The following EVA1A variants were observed in gnomAD, a reference collection of about 807,000 sequenced individuals.
EVA1A encodes the protein protein eva-1 homolog A.
In EVA1A, 7 loss-of-function variants were observed where a neutral mutation model predicts 9.8. The observed-to-expected ratio is 0.71, with a 90% confidence interval of 0.41 to 1.34. The LOEUF (loss-of-function observed/expected upper bound fraction) is 1.34, where lower values mean the gene tolerates loss of function less well. Among genes scored for constraint, EVA1A ranks in the 40% most tolerant of loss-of-function variants. The pLI is 0.01. For missense variants in EVA1A, 206 were observed against 205.9 expected, an observed-to-expected ratio of 1.00 and a Z score of 0.00; for synonymous variants, 90 against 85.6, an observed-to-expected ratio of 1.05 and a Z score of -0.28.
chr2:75,538,818 G>T (rs56136620), intron 1 of EVA1A, among the ~76,000 whole-genome samples: 1 of 152,210 alleles, frequency 6.6e-6, no homozygotes, highest in Non-Finnish European at 1.5e-5. Flanking sequence ...GAATAAATTA[G>T]TAGTTTTCAG....
In EVA1A at chr2:75,493,141, T is replaced by C; in HGVS notation, c.*95A>G. On this transcript the variant is annotated 3_prime_UTR_variant, in exon 4 of 4. Coordinates refer to ENST00000393913, the MANE Select transcript of EVA1A (RefSeq NM_001135032.2). ...CTGCTTTTTCTCTGAAATCACAATA[T>C]TAGCAGAGCTGGGTTCAGTTCCTTG... 6.8e-7 allele frequency: 1 copy of C among 1,478,564 alleles called. No individual in the cohort carries two copies. The highest frequency in any genetic ancestry group is 2.2e-5 in the Admixed American group (1 of 44,510). The allele number at this position is 1,478,564 out of a possible 1,614,324, so 91.6% of individuals were successfully genotyped here.
chr2:75,560,250 T>C (rs943686558), intron 1 of EVA1A, among the ~76,000 whole-genome samples: 17 of 151,862 alleles, frequency 1.1e-4, no homozygotes, highest in African/African-American at 4.1e-4. Context: ...ACCAGGTAAA[T>C]AGTCCACGGT....
intron 3 of EVA1A, among the ~76,000 whole-genome samples, chr2:75,496,728 G>C (rs1674224111): frequency 6.6e-6 from 1 of 152,044 alleles, no homozygotes; most frequent in Admixed American, 6.5e-5. Flanking sequence ...AATAGCCAAA[G>C]CAATCCTAAG....
At chr2:75,556,131 C>T (rs753397391) in intron 1 of EVA1A, among the ~76,000 whole-genome samples, 3 of 152,192 alleles carry the variant, frequency 2.0e-5, no homozygotes, top group East Asian at 1.9e-4. Flanking sequence ...ACGTATTGCA[C>T]GTGTATTCCA....
At chr2:75,527,658 A>T (rs1223542521) in intron 1 of EVA1A, among the ~76,000 whole-genome samples, 1 of 152,272 alleles carries the variant, frequency 6.6e-6, no homozygotes, top group Non-Finnish European at 1.5e-5. Flanking sequence ...GCAATTATGC[A>T]CATGCTTAAA....
In EVA1A at chr2:75,545,556, C is replaced by T. The variant is rs76460472; in HGVS notation, c.-192+15124G>A. Among the ~76,000 whole-genome samples the T allele has an allele frequency of 5.5e-3, 844 of 152,144 alleles. 8 individuals carry two copies. Among genetic ancestry groups the T allele is most frequent in the African/African-American group, 0.019 (788 of 41,506 alleles). On this transcript the variant is annotated intron_variant, in intron 1 of 3. Transcript: ENST00000393913. The stretch of plus-strand genomic sequence containing the variant: ...GGCCAGCGTAACTGAGGTGTCAGCA[C>T]AACAGAAAGGAGGCCTTAAGCAGTG...
chr2:75,536,044 A>T (rs1675880077), intron 1 of EVA1A, among the ~76,000 whole-genome samples: 1 of 152,346 alleles, frequency 6.6e-6, no homozygotes, highest in South Asian at 2.1e-4. Context: ...CACTGCCAGT[A>T]TTGTTATATA....
intron 2 of EVA1A, among the ~76,000 whole-genome samples, chr2:75,521,116 T>C (rs2103856318): frequency 6.6e-6 from 1 of 152,262 alleles, no homozygotes; most frequent in South Asian, 2.1e-4. Flanking sequence ...ATGCTCCACA[T>C]AACCAAGCAT....
intron 1 of EVA1A, among the ~76,000 whole-genome samples, chr2:75,537,548 C>T (rs1055020886): frequency 6.6e-6 from 1 of 152,140 alleles, no homozygotes; most frequent in Non-Finnish European, 1.5e-5. Flanking sequence ...GGTGATATGG[C>T]TGTCAATAGA....
At chr2:75,555,845 G>A (rs1676693512) in intron 1 of EVA1A, among the ~76,000 whole-genome samples, 1 of 152,118 alleles carries the variant, frequency 6.6e-6, no homozygotes. Flanking sequence ...TTTCCTATCT[G>A]TAATGCTCTT....
At chr2:75,544,840 A>C (rs1676269986) in intron 1 of EVA1A, among the ~76,000 whole-genome samples, 1 of 152,240 alleles carries the variant, frequency 6.6e-6, no homozygotes, top group Admixed American at 6.5e-5. Context: ...CATTGAAATC[A>C]GAATAGCCTG....
Position 75,492,722 on chromosome 2 carries a change from T to C in EVA1A, c.*514A>G, listed in dbSNP as rs1558667634. On this transcript the variant is annotated 3_prime_UTR_variant, in exon 4 of 4. Transcript: ENST00000393913. Reference sequence around the variant, plus strand: ...GAGGTGCCAGTTAAAATGGACGAGGTTGCCCTTGCAACACAAGATTTTAAA... The same window carrying C: ...GAGGTGCCAGTTAAAATGGACGAGGCTGCCCTTGCAACACAAGATTTTAAA... 6.5e-6 allele frequency: 1 copy of C among 152,946 alleles called. No homozygotes were observed. Among genetic ancestry groups the C allele is most frequent in the Non-Finnish European group, 1.5e-5 (1 of 68,428 alleles). 9.5% of individuals were successfully genotyped at this position (152,946 alleles called of 1,614,324 possible).
chr2:75,545,666 AG>A (rs1324014827), intron 1 of EVA1A, among the ~76,000 whole-genome samples: 1 of 147,536 alleles, frequency 6.8e-6, no homozygotes, highest in African/African-American at 2.6e-5. Flanking sequence ...TGCAGCCTGG[AG>A]GGCAGAAGCA....
intron 1 of EVA1A, among the ~76,000 whole-genome samples, chr2:75,559,706 G>GGGGGGGGGGGT (rs1676850757): frequency 7.6e-6 from 1 of 131,218 alleles, no homozygotes; most frequent in Non-Finnish European, 1.6e-5. Flanking sequence ...GTGGGGGGGG[G>GGGGGGGGGGGT]GCGGGGGAGT....
intron 1 of EVA1A, among the ~76,000 whole-genome samples, chr2:75,559,680 T>A (rs1296202708): frequency 2.2e-5 from 2 of 90,126 alleles, no homozygotes; most frequent in Admixed American, 1.7e-4. Flanking sequence ...TGGTCCCTTG[T>A]ACTATGAGAA....
intron 3 of EVA1A, chr2:75,517,677 T>C (rs1675062460): frequency 1.5e-6 from 1 of 646,416 alleles, no homozygotes; most frequent in Non-Finnish European, 2.8e-6. Flanking sequence ...ACACACAGTC[T>C]CACACACAGG....
rs181834391 is a variant in EVA1A, at chr2:75,528,122, T to C, written c.-191-5635A>G. Among the ~76,000 whole-genome samples, 456 of 152,304 alleles carry C rather than the reference T, an allele frequency of 3.0e-3. 3 individuals carry two copies. The highest frequency in any genetic ancestry group is 4.9e-3 in the Non-Finnish European group (336 of 68,020). Reference sequence around the variant, plus strand: ...TCCCCAGGGAAGCCCAGCGAAGCCATTTCTCACTTTATCTCACAGGGTTCC... The same window carrying C: ...TCCCCAGGGAAGCCCAGCGAAGCCACTTCTCACTTTATCTCACAGGGTTCC... On this transcript the variant is annotated intron_variant, in intron 1 of 3. Coordinates refer to ENST00000393913, the MANE Select transcript of EVA1A (RefSeq NM_001135032.2).
intron 1 of EVA1A, among the ~76,000 whole-genome samples, chr2:75,556,546 A>T (rs1990545): frequency 0.82 from 124,927 of 152,122 alleles, 51,414 homozygotes; most frequent in Non-Finnish European, 0.85. Flanking sequence ...AAGGCATTAA[A>T]ATCCTACAGG....
chr2:75,512,102 C>A (rs1341272410), intron 3 of EVA1A, among the ~76,000 whole-genome samples: 1 of 151,594 alleles, frequency 6.6e-6, no homozygotes, highest in Non-Finnish European at 1.5e-5. Context: ...AAAAAAAAAA[C>A]TTAAAGGAAA....
Sources: gnomAD v4.1 joint callset for allele counts (sites outside exome capture counted in the v4.1 genomes callset) on GRCh38, gnomAD v4.1.1 for gene constraint, MANE v1.5 for transcripts, NCBI Gene and HGNC (gene_info 2026-07-23, HGNC 2026-07-21) for gene names.